Variants in TPO observed in about 807,000 individuals in gnomAD.
The protein encoded by TPO is thyroid peroxidase, also known as thyroid microsomal antigen.
TPO carries 78 observed loss-of-function variants against 96.9 expected under a neutral mutation model. The ratio of observed to expected loss-of-function variants is 0.81; its 90% CI spans 0.67 to 0.97. TPO has a LOEUF of 0.97. Among genes scored for constraint, TPO ranks in the 50% least tolerant of loss-of-function variants. TPO has a pLI of 0.00. For missense variants in TPO, 1,252 were observed against 1,274.8 expected (o/e 0.98, Z 0.27); for synonymous variants, 547 against 538.0 (o/e 1.02, Z -0.23).
chr2:1,475,149 A>G (rs1473881320), intron 7 of TPO, among the ~76,000 whole-genome samples: 2 of 152,180 alleles, frequency 1.3e-5, no homozygotes, highest in Non-Finnish European at 2.9e-5. Context: ...AGTGAGTAGG[A>G]GAATTTGCAG....
intron 3 of TPO, among the ~76,000 whole-genome samples, chr2:1,425,518 G>A (rs150885329): frequency 4.6e-5 from 7 of 151,718 alleles, no homozygotes; most frequent in South Asian, 4.2e-4. Context: ...TAAAGTCATC[G>A]TTCTAGATGC....
chr2:1,513,718 C>G (rs999570809), intron 14 of TPO: 18 of 151,894 alleles, frequency 1.2e-4, no homozygotes, highest in Non-Finnish European at 2.2e-4. Flanking sequence ...TGTAGATATA[C>G]TATATATAGA....
intron 7 of TPO, 82 bp downstream of exon 7, chr2:1,456,364 T>C (rs1298830312): frequency 2.1e-6 from 3 of 1,441,772 alleles, no homozygotes; most frequent in Admixed American, 1.9e-5. Context: ...TAAAACAAAA[T>C]GTGAAAGTCT....
intron 5 of TPO, among the ~76,000 whole-genome samples, chr2:1,447,668 ATG>A (rs943641806): frequency 6.6e-6 from 1 of 152,102 alleles, no homozygotes; most frequent in African/African-American, 2.4e-5. Context: ...GTAGATTTGT[ATG>A]TGTGTGTGTA....
intron 13 of TPO, among the ~76,000 whole-genome samples, chr2:1,498,662 G>C (rs1672589265): frequency 6.6e-6 from 1 of 152,212 alleles, no homozygotes; most frequent in African/African-American, 2.4e-5. Flanking sequence ...GAGAACAGCA[G>C]ACCAGGATGT....
At chr2:1,483,051 G>C (rs1340892158) in intron 8 of TPO, among the ~76,000 whole-genome samples, 2 of 152,212 alleles carry the variant, frequency 1.3e-5, no homozygotes, top group African/African-American at 4.8e-5. Context: ...CGGCTCCCAG[G>C]GGAGGCTGCA....
intron 8 of TPO, among the ~76,000 whole-genome samples, chr2:1,479,655 G>A (rs1670346104): frequency 6.6e-6 from 1 of 152,184 alleles, no homozygotes; most frequent in Non-Finnish European, 1.5e-5. Flanking sequence ...GTAGATTAGA[G>A]ACAGTTTAAT....
chr2:1,507,874 A>C (rs1673647733), intron 14 of TPO, among the ~76,000 whole-genome samples: 1 of 152,034 alleles, frequency 6.6e-6, no homozygotes, highest in Non-Finnish European at 1.5e-5. Flanking sequence ...AATACCCTTT[A>C]TTTCTTTCTC....
chr2:1,495,775 C>A (rs1672262123), intron 11 of TPO, among the ~76,000 whole-genome samples: 1 of 151,986 alleles, frequency 6.6e-6, no homozygotes, highest in South Asian at 2.1e-4. Flanking sequence ...AGTGCCTGCA[C>A]CTGAGTGGTC....
chr2:1,533,369 T>G (rs1162884443), intron 15 of TPO, among the ~76,000 whole-genome samples: 1 of 124,120 alleles, frequency 8.1e-6, no homozygotes, highest in Non-Finnish European at 1.6e-5. Flanking sequence ...CCCCCCACTG[T>G]GTGCAACCTC....
At chr2:1,405,885 G>A (rs764000014) in intron 1 of TPO, among the ~76,000 whole-genome samples, 6 of 152,214 alleles carry the variant, frequency 3.9e-5, no homozygotes, top group South Asian at 2.1e-4. Flanking sequence ...TCCACTGGAC[G>A]ATATTCTAGA....
At chr2:1,535,204 A>C (rs1471229456) in intron 15 of TPO, among the ~76,000 whole-genome samples, 3 of 59,008 alleles carry the variant, frequency 5.1e-5, no homozygotes, top group African/African-American at 7.7e-5. Context: ...GTGCAACCTC[A>C]TCAATTTCCC....
upstream of TPO, among the ~76,000 whole-genome samples, chr2:1,408,564 C>CA (rs1157379517): frequency 2.0e-5 from 3 of 152,032 alleles, no homozygotes; most frequent in African/African-American, 7.3e-5. Context: ...AACTGAAACG[C>CA]AAAAAAGATG....
At chr2:1,432,360 G>A (rs1665065413) in intron 3 of TPO, among the ~76,000 whole-genome samples, 1 of 152,232 alleles carries the variant, frequency 6.6e-6, no homozygotes, top group Non-Finnish European at 1.5e-5. Context: ...GGTTCCCCAG[G>A]TCCTCAAATG....
intron 13 of TPO, among the ~76,000 whole-genome samples, chr2:1,501,111 G>A (rs1023661369): frequency 1.3e-5 from 2 of 152,162 alleles, no homozygotes; most frequent in African/African-American, 2.4e-5. Context: ...TGCAGTAAAC[G>A]AATATACATA....
At chr2:1,448,392 C>T (rs1243896922) in intron 5 of TPO, among the ~76,000 whole-genome samples, 1 of 152,170 alleles carries the variant, frequency 6.6e-6, no homozygotes, top group Non-Finnish European at 1.5e-5. Flanking sequence ...ACCCGAGGGT[C>T]GGCTGCTCCC....
rs749097257 is a variant in TPO at position 1,423,096 on chromosome 2, T to C, written c.146T>C (p.Leu49Pro). 2.5e-5 allele frequency: 41 copies of C among 1,614,028 alleles called. No individual in the cohort carries two copies. The highest frequency in any genetic ancestry group is 3.3e-5 in the Non-Finnish European group (39 of 1,180,058). The change falls in exon 3 of 17, where the codon CTG becomes CCG. Residue 49 changes from leucine to proline, a missense_variant. Physicochemically the swap from Leu to Pro is moderately conservative, Grantham distance 98. Coordinates refer to ENST00000329066, the MANE Select transcript of TPO (RefSeq NM_001206744.2). ...AGCGTCTTGGAGGAAAGCAAGCGCCTGGTGGACACCGCCATGTACGCCACG... is the reference window on the plus strand; with the variant it reads ...AGCGTCTTGGAGGAAAGCAAGCGCCCGGTGGACACCGCCATGTACGCCACG... The part of the protein sequence containing the change: ...VSSVLEESKR[L>P]VDTAMYATMQ...
chr2:1,484,408 C>T (rs544821806), intron 8 of TPO, among the ~76,000 whole-genome samples, 188 bp from the exon 9 acceptor site: 2 of 152,290 alleles, frequency 1.3e-5, no homozygotes, highest in African/African-American at 4.8e-5. Context: ...ATAAACGCAC[C>T]TCCTGAATAT....
At position 1,484,728 on chromosome 2, in the gene TPO, C is replaced by T. The variant is rs763858016; in HGVS notation, c.1471C>T (p.Arg491Cys). ...VSNVFSTAAFRFGHATIHPLV... is the reference protein window; with the variant it reads ...VSNVFSTAAFCFGHATIHPLV... The stretch of plus-strand genomic sequence containing the variant: ...CAACGTGTTCTCCACAGCCGCCTTC[C>T]GCTTCGGCCATGCCACGATCCACCC... The change falls in exon 9 of 17, where the codon CGC becomes TGC. Residue 491 changes from arginine to cysteine, a missense_variant. Arg to Cys is a radical substitution (Grantham distance 180). Transcript: ENST00000329066. 2.5e-5 allele frequency: 41 copies of T among 1,614,006 alleles called. No individual in the cohort carries two copies. The highest frequency in any genetic ancestry group is 3.1e-5 in the Non-Finnish European group (37 of 1,180,044).
Sources: allele counts gnomAD v4.1 joint callset (sites outside exome capture counted in the v4.1 genomes callset), GRCh38; gene constraint gnomAD v4.1.1; transcripts MANE v1.5; gene names NCBI Gene and HGNC (gene_info 2026-07-23, HGNC 2026-07-21).